The following IL6R variants were observed in gnomAD, a reference collection of about 807,000 sequenced individuals.
The protein encoded by IL6R is interleukin 6 receptor.
Under a neutral mutation model 48.3 loss-of-function variants are expected in IL6R, and 38 were observed. The ratio of observed to expected loss-of-function variants is 0.79; its 90% CI spans 0.61 to 1.03. The LOEUF is 1.03. Ranked by LOEUF, IL6R falls within the 50% of genes least tolerant of loss-of-function variation. The pLI, the probability that IL6R is intolerant of heterozygous loss-of-function variation, is 0.00. For synonymous variants in IL6R, 264 were observed against 256.2 expected (o/e 1.03, Z -0.29); for missense variants, 534 against 618.3 (o/e 0.86, Z 1.45).
Position 154,466,923 on chromosome 1 carries a change from GT to G in IL6R, c.*1548del, listed in dbSNP as rs1373342616. 6.5e-6 allele frequency: 1 copy of G among 152,848 alleles called. No homozygotes were observed. Among genetic ancestry groups the G allele is most frequent in the Admixed American group, 6.5e-5 (1 of 15,288 alleles). The allele number at this position is 152,848 out of a possible 1,614,324, so 9.5% of individuals were successfully genotyped here. ...AGATTGTGGTTTCATTCTGTATTTT[GT>G]TTTTGTCTTAAAAAGTGGAAAAATA... On this transcript the variant is annotated 3_prime_UTR_variant, in exon 10 of 10. Transcript: ENST00000368485.
chr1:154,419,953 T>A (rs1204108522), intron 1 of IL6R, among the ~76,000 whole-genome samples: 1 of 151,776 alleles, frequency 6.6e-6, no homozygotes, highest in Non-Finnish European at 1.5e-5. Flanking sequence ...GACCAAAGGG[T>A]GTCTGGGCCA....
At chr1:154,410,299 T>C (rs1028078509) in intron 1 of IL6R, among the ~76,000 whole-genome samples, 2 of 151,834 alleles carry the variant, frequency 1.3e-5, no homozygotes, top group Admixed American at 1.3e-4. Context: ...TAGCCCAGGT[T>C]GGAGTGCAGT....
At chr1:154,421,375 G>C (rs982671731) in intron 1 of IL6R, among the ~76,000 whole-genome samples, 6 of 152,224 alleles carry the variant, frequency 3.9e-5, no homozygotes, top group African/African-American at 7.2e-5. Context: ...TCTGAGCAGG[G>C]ACATGGGTCC....
In IL6R at chr1:154,422,316, C is replaced by T. The variant is rs150392442; in HGVS notation, c.86-6880C>T. On this transcript the variant is annotated intron_variant, in intron 1 of 9. Transcript: ENST00000368485. The stretch of plus-strand genomic sequence containing the variant: ...ACTCCCTGTGGCTCCACTTATCAAA[C>T]CCCCACTCATTTATCAAGGCCCCAA... 1.7e-3 allele frequency among the ~76,000 whole-genome samples: 262 copies of T among 152,320 alleles called. 1 individual carries two copies. Among genetic ancestry groups the T allele is most frequent in the African/African-American group, 6.0e-3 (248 of 41,568 alleles).
intron 9 of IL6R, among the ~76,000 whole-genome samples, chr1:154,454,942 C>G (rs1026685928): frequency 1.3e-5 from 2 of 152,084 alleles, no homozygotes; most frequent in Non-Finnish European, 2.9e-5. Context: ...GTCAGCATCT[C>G]ACTCTGTCAC....
Position 154,461,458 on chromosome 1 carries a change from C to T in IL6R, c.1161-3676C>T, listed in dbSNP as rs150764059. Among the ~76,000 whole-genome samples, 979 of 152,322 alleles carry T rather than the reference C, an allele frequency of 6.4e-3. 38 individuals carry two copies. Among genetic ancestry groups the T allele is most frequent in the Admixed American group, 0.056 (857 of 15,288 alleles). ...ACCGCTTGACCAAGGAGCGCTCCAG[C>T]GGCCCTTATGCCGGCATGACAGAGG... On this transcript the variant is annotated intron_variant, in intron 9 of 9. Coordinates refer to ENST00000368485, the MANE Select transcript of IL6R (RefSeq NM_000565.4).
In IL6R at chr1:154,447,476, TACACACAC is replaced by T. The variant is rs1230551409; in HGVS notation, c.950-629_950-622del. Among the ~76,000 whole-genome samples the T allele has an allele frequency of 1.6e-4, 11 of 68,836 alleles. No homozygotes were observed. The South Asian group carries it at 4.2e-3, about 27-fold the overall frequency. The allele number at this position is 68,836 out of a possible 152,430, so 45.2% of individuals were successfully genotyped here. On this transcript the variant is annotated intron_variant, in intron 6 of 9. Transcript: ENST00000368485. The stretch of plus-strand genomic sequence containing the variant: ...AAAAATATATATATATATATATATA[TACACACAC>T]ACACACACACACACACACATATATA...
intron 8 of IL6R, chr1:154,454,100 C>G (rs1690737707): frequency 4.3e-6 from 1 of 233,264 alleles, no homozygotes; most frequent in South Asian, 6.5e-5. Flanking sequence ...GTCCCCAAAG[C>G]CTTCCGTTTG....
chr1:154,406,080 C>A (rs1182135533), intron 1 of IL6R, among the ~76,000 whole-genome samples: 3 of 152,172 alleles, frequency 2.0e-5, no homozygotes, highest in Non-Finnish European at 4.4e-5. Context: ...GGAGACTGCC[C>A]GAGAGGGCGC....
chr1:154,442,154 T>C (rs1689971634), intron 6 of IL6R, among the ~76,000 whole-genome samples: 1 of 151,856 alleles, frequency 6.6e-6, no homozygotes, highest in African/African-American at 2.4e-5. Flanking sequence ...TTCCTGGTGG[T>C]TTTAGTATGT....
intron 6 of IL6R, among the ~76,000 whole-genome samples, chr1:154,439,995 C>T (rs576491189): frequency 2.0e-5 from 3 of 152,138 alleles, no homozygotes; most frequent in Non-Finnish European, 4.4e-5. Context: ...CTCTGCCTCC[C>T]GGGTTCAAGC....
At chr1:154,445,580 C>T (rs1231070871) in intron 6 of IL6R, among the ~76,000 whole-genome samples, 2 of 152,004 alleles carry the variant, frequency 1.3e-5, no homozygotes. Context: ...GAAACCCCGT[C>T]TCTACTAAAA....
chr1:154,435,120 TCGGGCTG>T lies in IL6R; in HGVS notation c.772_778del (p.Arg258AsnfsTer27). The T allele has an allele frequency of 5.6e-6, 9 of 1,614,136 alleles. No homozygotes were observed. The highest frequency in any genetic ancestry group is 6.8e-6 in the Non-Finnish European group (8 of 1,180,012). On this transcript the variant is annotated frameshift_variant, in exon 5 of 10. Coordinates refer to ENST00000368485, the MANE Select transcript of IL6R (RefSeq NM_000565.4). LOFTEE classifies it high-confidence loss of function. ...ACAGACTACGGTTTGAGCTCAGATA[TCGGGCTG>T]AACGGTCAAAGACATTCACAACATG...
chr1:154,458,006 G>A (rs1327561375), intron 9 of IL6R, among the ~76,000 whole-genome samples: 3 of 135,376 alleles, frequency 2.2e-5, no homozygotes, highest in South Asian at 2.3e-4. Flanking sequence ...TCGCTTTGTC[G>A]CCCAGGCTGG....
At chr1:154,420,399 GCT>G (rs746456806) in intron 1 of IL6R, among the ~76,000 whole-genome samples, 2 of 151,912 alleles carry the variant, frequency 1.3e-5, no homozygotes, top group Non-Finnish European at 2.9e-5. Context: ...CGTGCCCATG[GCT>G]GCCTGTGAGT....
chr1:154,437,098 TTTTG>T (rs1398228892), intron 6 of IL6R, among the ~76,000 whole-genome samples: 6 of 152,028 alleles, frequency 3.9e-5, no homozygotes, highest in South Asian at 2.1e-4. Context: ...GTTGTTGTTG[TTTTG>T]TTTGTTTGTT....
Position 154,445,749 on chromosome 1 carries a change from C to CA in IL6R, c.950-2363dup, listed in dbSNP as rs35455075. ...CAGGCGACAGAGCGAGACTCGGTCT[C>CA]AAAAAAAAAAAAAGCCCTAATGACT... On this transcript the variant is annotated intron_variant, in intron 6 of 9. Coordinates refer to ENST00000368485, the MANE Select transcript of IL6R (RefSeq NM_000565.4). Among the ~76,000 whole-genome samples, 1,077 of 134,238 alleles carry CA rather than the reference C, an allele frequency of 8.0e-3. 10 individuals are homozygous for CA. Among genetic ancestry groups the CA allele is most frequent in the Non-Finnish European group, 0.012 (753 of 62,252 alleles). The allele number at this position is 134,238 out of a possible 152,430, so 88.1% of individuals were successfully genotyped here.
intron 1 of IL6R, chr1:154,415,138 C>G (rs1322027556): frequency 5.4e-6 from 5 of 921,996 alleles, no homozygotes; most frequent in Middle Eastern, 2.3e-4. Context: ...TTGTACTTGC[C>G]GTCCTCAGCC....
rs1365789823 is a variant in IL6R, at chr1:154,405,826, C to T, written c.85+112C>T. On this transcript the variant is annotated intron_variant, in intron 1 of 9. Transcript: ENST00000368485. The surrounding 1 kb of genome is among the most constrained non-coding windows in gnomAD (Gnocchi z 5.2). ...AGGGAGGAAAGGAGGTGCGACGGAT[C>T]CCCTTTTCTGTGGCTGCCTTGAGGC... 3.6e-6 allele frequency: 3 copies of T among 824,462 alleles called. No homozygotes were observed. The highest frequency in any genetic ancestry group is 1.8e-5 in the African/African-American group (1 of 54,610). The allele number at this position is 824,462 out of a possible 1,614,324, so 51.1% of individuals were successfully genotyped here. A position where few individuals can be genotyped will look rare whatever the true frequency, so the allele number is the denominator to read the frequency against.
Sources: gnomAD v4.1 joint callset for allele counts (sites outside exome capture counted in the v4.1 genomes callset) on GRCh38, gnomAD v4.1.1 for gene constraint, Gnocchi (gnomAD v3.1) non-coding constraint, MANE v1.5 for transcripts, NCBI Gene and HGNC (gene_info 2026-07-23, HGNC 2026-07-21) for gene names.